DNMT3A: variants seen among roughly 807,000 people sequenced by gnomAD.
DNMT3A encodes DNA methyltransferase 3 alpha.
Under a neutral mutation model 117.6 loss-of-function variants are expected in DNMT3A, and 267 were observed. The ratio of observed to expected loss-of-function variants is 2.27; its 90% confidence interval spans 2.05 to 2.51. The LOEUF (loss-of-function observed/expected upper bound fraction) is 2.51, where lower values mean the gene tolerates loss of function less well. Ranked by LOEUF, DNMT3A falls within the 30% of genes most tolerant of loss-of-function variation. The probability of loss-of-function intolerance (pLI) is 0.00; values close to 1 mark genes in which losing one functional copy is unlikely to be tolerated. For synonymous variants in DNMT3A, 432 were observed against 474.8 expected (o/e 0.91, Z 1.17); for missense variants, 1,029 against 1,260.2 (o/e 0.82, Z 2.78).
intron 6 of DNMT3A, among the ~76,000 whole-genome samples, chr2:25,267,858 G>A (rs747954880): frequency 4.6e-5 from 7 of 152,178 alleles, no homozygotes; most frequent in Non-Finnish European, 1.0e-4. Context: ...GAAATGGGTA[G>A]AGGCAGAAAA....
chr2:25,328,234 A>G (rs751578469), intron 1 of DNMT3A, among the ~76,000 whole-genome samples: 34 of 152,208 alleles, frequency 2.2e-4, no homozygotes, highest in Non-Finnish European at 2.9e-5. Flanking sequence ...CGGTGATGCC[A>G]AAGATTTGCA....
At position 25,327,043 on chromosome 2, in the gene DNMT3A, G is replaced by A. The variant is rs2034814397; in HGVS notation, c.-177-12882C>T. On this transcript the variant is annotated intron_variant, in intron 1 of 22. Coordinates refer to ENST00000321117, the MANE Select transcript of DNMT3A (RefSeq NM_022552.5). The surrounding 1 kb of genome is among the most constrained non-coding windows in gnomAD (Gnocchi z 4.1). ...GCATTACAGAGACGTTGCCATCCAG[G>A]GAGCCATCGCCACACCCTCTCCATC... 6.6e-6 allele frequency among the ~76,000 whole-genome samples: 1 copy of A among 152,208 alleles called. No individual in the cohort carries two copies. The highest frequency in any genetic ancestry group is 2.1e-4 in the South Asian group (1 of 4,826).
intron 3 of DNMT3A, among the ~76,000 whole-genome samples, chr2:25,284,418 A>G (rs1003860072): frequency 1.3e-5 from 2 of 152,084 alleles, no homozygotes; most frequent in African/African-American, 4.8e-5. Context: ...AGGCTGAGGC[A>G]GGCTCCCTCA....
intron 3 of DNMT3A, among the ~76,000 whole-genome samples, chr2:25,283,974 G>C (rs1371305846): frequency 3.3e-5 from 5 of 152,216 alleles, no homozygotes; most frequent in Non-Finnish European, 7.3e-5. Flanking sequence ...CCGGGTGCCT[G>C]CTGTGTGCTC....
intron 2 of DNMT3A, among the ~76,000 whole-genome samples, chr2:25,303,929 T>C (rs1319006204): frequency 6.6e-6 from 1 of 152,238 alleles, no homozygotes; most frequent in Non-Finnish European, 1.5e-5. Flanking sequence ...TCTGTTTTAT[T>C]CCATATCTTT....
At position 25,247,370 on chromosome 2, in the gene DNMT3A, T is replaced by C. The variant is rs1674939967; in HGVS notation, c.1015-212A>G. ...GCAGGTGGAAAGGAATTCTAGTGAA[T>C]AGGTTCCTGGAAGGCTAAAACTGGG... On this transcript the variant is annotated intron_variant, in intron 8 of 22. Coordinates refer to ENST00000321117, the MANE Select transcript of DNMT3A (RefSeq NM_022552.5). The surrounding 1 kb of genome is among the most constrained non-coding windows in gnomAD (Gnocchi z 5.6). 2 of 811,376 alleles carry C rather than the reference T, an allele frequency of 2.5e-6. No homozygotes were observed. The highest frequency in any genetic ancestry group is 3.8e-6 in the Non-Finnish European group (2 of 524,170). 50.3% of individuals were successfully genotyped at this position (811,376 alleles called of 1,614,324 possible).
At position 25,252,135 on chromosome 2, in the gene DNMT3A, C is replaced by A; in HGVS notation, c.640-3883G>T. ...AACCCGGAGGGCTGCGGAGATCCTCCCACCGGCCCTGCCGCCTCCCCGCCC... is the reference window on the plus strand; with the variant it reads ...AACCCGGAGGGCTGCGGAGATCCTCACACCGGCCCTGCCGCCTCCCCGCCC... On this transcript the variant is annotated intron_variant, in intron 6 of 22. Coordinates refer to ENST00000321117, the MANE Select transcript of DNMT3A (RefSeq NM_022552.5). This position sits in a 1 kb window ranked among gnomAD's most constrained non-coding sequence, Gnocchi z 5.5. 6.5e-7 allele frequency: 1 copy of A among 1,540,642 alleles called. No individual in the cohort carries two copies. The highest frequency in any genetic ancestry group is 8.8e-7 in the Non-Finnish European group (1 of 1,142,774).
chr2:25,315,038 C>T (rs976067787), intron 1 of DNMT3A, among the ~76,000 whole-genome samples: 1 of 152,288 alleles, frequency 6.6e-6, no homozygotes, highest in African/African-American at 2.4e-5. Context: ...CCGGAGGAGG[C>T]GGCCGCCAAG....
At chr2:25,246,949 G>T in intron 9 of DNMT3A, 102 bp downstream of exon 9, 1 of 1,463,200 alleles carries the variant, frequency 6.8e-7, no homozygotes, top group Non-Finnish European at 9.3e-7. Flanking sequence ...AGGAGTCGCT[G>T]CCTCCTGGGC....
intron 12 of DNMT3A, 137 bp from the exon 13 acceptor site, chr2:25,245,469 C>T (rs979727194): frequency 2.6e-5 from 19 of 718,652 alleles, no homozygotes; most frequent in East Asian, 1.0e-4. Flanking sequence ...GGGTGCCCCA[C>T]GGAAAAGGGA....
At chr2:25,261,406 T>G (rs1180100142) in intron 6 of DNMT3A, among the ~76,000 whole-genome samples, 1 of 123,996 alleles carries the variant, frequency 8.1e-6, no homozygotes, top group Non-Finnish European at 1.6e-5. Context: ...GCCACTGCAC[T>G]CCAGCCTGGG....
chr2:25,308,903 C>G (rs1173141073), intron 2 of DNMT3A, among the ~76,000 whole-genome samples: 1 of 152,038 alleles, frequency 6.6e-6, no homozygotes, highest in African/African-American at 2.4e-5. Flanking sequence ...TGCCAGGCCT[C>G]TGGGCCAGAC....
At chr2:25,325,513 T>C (rs2034752565) in intron 1 of DNMT3A, among the ~76,000 whole-genome samples, 1 of 152,160 alleles carries the variant, frequency 6.6e-6, no homozygotes, top group South Asian at 2.1e-4. Context: ...AGAGCCTCTA[T>C]CACTTAGTCC....
At chr2:25,260,729 T>C (rs114528177) in intron 6 of DNMT3A, among the ~76,000 whole-genome samples, 1,775 of 152,054 alleles carry the variant, frequency 0.012, 39 homozygotes, top group African/African-American at 0.041. Flanking sequence ...CACCATGCAG[T>C]TGGCCTGGGA....
intron 5 of DNMT3A, 94 bp from the exon 6 acceptor site, chr2:25,275,181 C>T (rs551760103): frequency 1.4e-6 from 2 of 1,443,202 alleles, no homozygotes; most frequent in South Asian, 2.8e-5. Flanking sequence ...GACACTGGCT[C>T]CTGGCCAGAG....
At chr2:25,242,876 A>G (rs1432021401) in intron 16 of DNMT3A, among the ~76,000 whole-genome samples, 1 of 151,742 alleles carries the variant, frequency 6.6e-6, no homozygotes, top group Admixed American at 6.6e-5. Context: ...TGGTTCAAGT[A>G]TATATTCTAT....
At chr2:25,238,519 C>A (rs1285870549) in intron 20 of DNMT3A, among the ~76,000 whole-genome samples, 1 of 152,168 alleles carries the variant, frequency 6.6e-6, no homozygotes, top group Non-Finnish European at 1.5e-5. Context: ...CAACTCTGGA[C>A]AATTTATTTC....
At chr2:25,278,001 T>TCACACACACACACACA (rs71397475) in intron 4 of DNMT3A, among the ~76,000 whole-genome samples, 43 of 90,548 alleles carry the variant, frequency 4.7e-4, no homozygotes, top group African/African-American at 1.2e-3. Flanking sequence ...ACTTGAGTGA[T>TCACACACACACACACA]CACACACACA....
Position 25,290,402 on chromosome 2 carries a change from C to T in DNMT3A, c.178-7691G>A, listed in dbSNP as rs756536252. 4.7e-5 allele frequency among the ~76,000 whole-genome samples: 7 copies of T among 150,500 alleles called. No homozygotes were observed. The South Asian group carries it at 8.4e-4, about 18-fold the overall frequency. ...ATGGTGTGATCTCGTCTCATTACAA[C>T]GTCTGCCTCCCGGGTTCAAGCGATT... On this transcript the variant is annotated intron_variant, in intron 3 of 22. Transcript: ENST00000321117.
Sources: gnomAD v4.1 joint callset for allele counts (sites outside exome capture counted in the v4.1 genomes callset) on GRCh38, gnomAD v4.1.1 for gene constraint, Gnocchi (gnomAD v3.1) non-coding constraint, MANE v1.5 for transcripts, NCBI Gene and HGNC (gene_info 2026-07-23, HGNC 2026-07-21) for gene names.